Variants in UBE3B observed in about 807,000 individuals in gnomAD.
The protein encoded by UBE3B is ubiquitin-protein ligase E3B.
In UBE3B, 80 loss-of-function variants were observed where a neutral mutation model predicts 132.3. The observed-to-expected ratio is 0.60, with a 90% CI of 0.50 to 0.73. The LOEUF is 0.73. Among genes scored for constraint, UBE3B ranks in the 30% least tolerant of loss-of-function variants. The pLI, the probability that UBE3B is intolerant of heterozygous loss-of-function variation, is 0.00. For synonymous variants in UBE3B, 487 were observed against 520.4 expected (o/e 0.94, Z 0.87); for missense variants, 1,196 against 1,362.5 (o/e 0.88, Z 1.92).
chr12:109,524,417 T>G, intron 22 of UBE3B, 21 bp from the exon 23 acceptor site: 1 of 1,614,076 alleles, frequency 6.2e-7, no homozygotes, highest in Non-Finnish European at 8.5e-7. Context: ...CCTAACACTT[T>G]CCCCTTCTCT....
At chr12:109,487,268 AC>A (rs1317327022) in intron 6 of UBE3B, among the ~76,000 whole-genome samples, 1 of 151,944 alleles carries the variant, frequency 6.6e-6, no homozygotes, top group Non-Finnish European at 1.5e-5. Flanking sequence ...GTGTTCCCCT[AC>A]CCCCTTCAGT....
the UBE3B span, among the ~76,000 whole-genome samples, chr12:109,546,367 CAG>C: frequency 6.6e-6 from 1 of 152,170 alleles, no homozygotes; most frequent in Admixed American, 6.5e-5. Flanking sequence ...GCCAGGGCAA[CAG>C]AAGCCAGCTC....
intron 18 of UBE3B, among the ~76,000 whole-genome samples, chr12:109,516,254 C>G (rs995159943): frequency 6.7e-6 from 1 of 148,214 alleles, no homozygotes; most frequent in Non-Finnish European, 1.5e-5. Flanking sequence ...TCACTGTAAC[C>G]TCTGCCTCCT....
At chr12:109,485,941 G>A in intron 4 of UBE3B, 71 bp from the exon 5 acceptor site, 1 of 1,534,972 alleles carries the variant, frequency 6.5e-7, no homozygotes, top group Non-Finnish European at 8.8e-7. Flanking sequence ...ACCCGCTGAA[G>A]GCTTGTTTTC....
intron 14 of UBE3B, among the ~76,000 whole-genome samples, chr12:109,505,900 G>A (rs1249631963): frequency 6.6e-6 from 1 of 152,218 alleles, no homozygotes; most frequent in East Asian, 1.9e-4. Flanking sequence ...GAGAGGTATT[G>A]TAAGGGCTCG....
At chr12:109,524,383 C>CT in intron 22 of UBE3B, 55 bp from the exon 23 acceptor site, 1 of 1,605,342 alleles carries the variant, frequency 6.2e-7, no homozygotes, top group African/African-American at 1.3e-5. Flanking sequence ...GGTTAAACCT[C>CT]TTAAGCACAT....
chr12:109,504,065 A>G (rs1424872543), intron 14 of UBE3B, among the ~76,000 whole-genome samples: 1 of 152,210 alleles, frequency 6.6e-6, no homozygotes, highest in African/African-American at 2.4e-5. Context: ...GCAAGTAAAA[A>G]GTAGGGCTCA....
intron 22 of UBE3B, 112 bp downstream of exon 22, chr12:109,524,227 A>T: frequency 6.7e-7 from 1 of 1,486,392 alleles, no homozygotes; most frequent in Non-Finnish European, 9.1e-7. Flanking sequence ...TGTAGCTGCT[A>T]CAGGCCCCTC....
chr12:109,541,509 G>A (rs935549883), downstream of UBE3B, among the ~76,000 whole-genome samples: 1 of 152,266 alleles, frequency 6.6e-6, no homozygotes, highest in Non-Finnish European at 1.5e-5. Context: ...TAGTTGCCCA[G>A]TAAATGCTAT....
At chr12:109,525,543 G>A (rs1566111181) in intron 23 of UBE3B, among the ~76,000 whole-genome samples, 1 of 152,188 alleles carries the variant, frequency 6.6e-6, no homozygotes, top group Non-Finnish European at 1.5e-5. Context: ...TTCTAGAGCT[G>A]TAGGGTTATA....
rs1382067495 is a variant in UBE3B at position 109,516,793 on chromosome 12, C to A, written c.1985C>A (p.Thr662Asn). ...NRVLLFRTMV[T>N]KEKEKLGLVE... ...GTTCTACTGTTTCGAACCATGGTTA[C>A]CAAGGAGAAGGAGAAACTGGGGCTG... The change falls in exon 19 of 28, where the codon ACC (threonine) becomes AAC (asparagine). Residue 662 changes from threonine (T) to asparagine (N), a missense_variant. Thr to Asn is a moderately conservative substitution (Grantham distance 65). Coordinates refer to ENST00000342494, the MANE Select transcript of UBE3B (RefSeq NM_130466.4). 2 of 1,614,042 alleles carry A rather than the reference C, an allele frequency of 1.2e-6. No individual in the cohort carries two copies.
chr12:109,509,435 T>G, intron 15 of UBE3B, 161 bp from the exon 16 acceptor site: 2 of 525,070 alleles, frequency 3.8e-6, no homozygotes, highest in South Asian at 2.5e-5. Flanking sequence ...CCCCTACCCC[T>G]GATGATATCA....
chr12:109,496,114 A>G (rs972113413), intron 9 of UBE3B, among the ~76,000 whole-genome samples: 13 of 152,152 alleles, frequency 8.5e-5, no homozygotes, highest in African/African-American at 2.4e-4. Context: ...TCTACTTTCT[A>G]TCTCTTTGGA....
Position 109,530,779 on chromosome 12 carries a change from A to T in UBE3B, c.2922+121A>T. 4 of 967,230 alleles carry T rather than the reference A, an allele frequency of 4.1e-6. No homozygotes were observed. In the South Asian group the frequency reaches 6.2e-5, roughly 15 times the overall value. The allele number at this position is 967,230 out of a possible 1,614,324, so 59.9% of individuals were successfully genotyped here. On this transcript the variant is annotated intron_variant, in intron 26 of 27. Transcript: ENST00000342494. ...CAGGAGGACCTCAGATAGTCAGCAC[A>T]TCCTCTCCCACAGGCAGGCCTCCCG...
chr12:109,490,733 A>C, intron 8 of UBE3B: 1 of 1,418,972 alleles, frequency 7.0e-7, no homozygotes, highest in Admixed American at 2.8e-5. Flanking sequence ...TATTTAGAGA[A>C]AGAGTGGTAG....
chr12:109,513,590 A>C (rs938039018), intron 18 of UBE3B, among the ~76,000 whole-genome samples: 1 of 152,238 alleles, frequency 6.6e-6, no homozygotes, highest in Non-Finnish European at 1.5e-5. Flanking sequence ...CCATGAAAAA[A>C]GTTACTGCAG....
At chr12:109,491,230 T>C (rs1877419534) in intron 9 of UBE3B, 103 bp downstream of exon 9, 1 of 1,048,560 alleles carries the variant, frequency 9.5e-7, no homozygotes. Flanking sequence ...ACTTGCCCAT[T>C]TTGTCAGAAT....
intron 15 of UBE3B, among the ~76,000 whole-genome samples, chr12:109,508,068 CAG>C (rs1879910539): frequency 6.6e-6 from 1 of 152,122 alleles, no homozygotes; most frequent in African/African-American, 2.4e-5. Context: ...ATTCCAAAGT[CAG>C]AGCCAGGGTG....
chr12:109,508,629 G>T, intron 15 of UBE3B: 4 of 985,646 alleles, frequency 4.1e-6, no homozygotes, highest in Non-Finnish European at 3.6e-6. Flanking sequence ...GTGGCAGATT[G>T]GGTGAGGATC....
Sources: gnomAD v4.1 joint callset for allele counts (sites outside exome capture counted in the v4.1 genomes callset) on GRCh38, gnomAD v4.1.1 for gene constraint, MANE v1.5 for transcripts, NCBI Gene and HGNC (gene_info 2026-07-23, HGNC 2026-07-21) for gene names.